RAP1GDS1: variants seen among roughly 807,000 people sequenced by gnomAD.
The protein encoded by RAP1GDS1 is Rap1 GTPase-GDP dissociation stimulator 1.
RAP1GDS1 carries 35 observed loss-of-function variants against 71.1 expected under a neutral mutation model. The ratio of observed to expected loss-of-function variants is 0.49; its 90% CI spans 0.38 to 0.65. The LOEUF (loss-of-function observed/expected upper bound fraction) is 0.65. Among genes scored for constraint, RAP1GDS1 ranks in the 30% least tolerant of loss-of-function variants. The probability of loss-of-function intolerance (pLI) is 0.00; values close to 1 mark genes in which losing one functional copy is unlikely to be tolerated. For synonymous variants in RAP1GDS1, 229 were observed against 243.1 expected, an observed-to-expected ratio of 0.94 and a Z score of 0.54; for missense variants, 663 against 706.1, an observed-to-expected ratio of 0.94 and a Z score of 0.69.
chr4:98,280,635 T>C (rs1391060957), intron 1 of RAP1GDS1, among the ~76,000 whole-genome samples: 1 of 152,224 alleles, frequency 6.6e-6, no homozygotes, highest in Non-Finnish European at 1.5e-5. Context: ...TTGTCAATTT[T>C]GGCTTTTGTT....
rs1743787096 is a variant in RAP1GDS1, at chr4:98,392,094, A to G, written c.637+14A>G. ...TAGCAGAACTTGGTAAGTCTTAGTC[A>G]TGAACCACAAATGTAATTAACTTAT... is the stretch of plus-strand genomic sequence containing the variant. On this transcript the variant is annotated intron_variant, in intron 6 of 14. Transcript: ENST00000408927. The G allele has an allele frequency of 1.2e-6, 2 of 1,601,794 alleles. No individual in the cohort carries two copies. The highest frequency in any genetic ancestry group is 1.7e-5 in the Admixed American group (1 of 58,650).
Position 98,305,174 on chromosome 4 carries a change from T to C in RAP1GDS1, c.112+11659T>C, listed in dbSNP as rs538403923. On this transcript the variant is annotated intron_variant, in intron 2 of 14. Coordinates refer to ENST00000408927, the MANE Select transcript of RAP1GDS1 (RefSeq NM_001100427.2). The stretch of plus-strand genomic sequence containing the variant: ...AGGCTCTTTTTTGATTCCATATGAA[T>C]TTTAAAGTAGTTTTTTTCTAATTCT... Among the ~76,000 whole-genome samples the C allele has an allele frequency of 9.2e-5, 14 of 152,208 alleles. No homozygotes were observed. The South Asian group carries it at 2.9e-3, about 32-fold the overall frequency.
rs1173253565 is a variant in RAP1GDS1, at chr4:98,443,810, G to A, written c.*1693G>A. ...ACAGGCTTTGAAAGACATCTGTAATGTTGCATATCTGTTCATATTAATAAC... is the reference window on the plus strand; with the variant it reads ...ACAGGCTTTGAAAGACATCTGTAATATTGCATATCTGTTCATATTAATAAC... On this transcript the variant is annotated 3_prime_UTR_variant, in exon 15 of 15. Coordinates refer to ENST00000408927, the MANE Select transcript of RAP1GDS1 (RefSeq NM_001100427.2). 1 of 181,912 alleles carries A rather than the reference G, an allele frequency of 5.5e-6. No homozygotes were observed. The highest frequency in any genetic ancestry group is 9.0e-5 in the East Asian group (1 of 11,134). The allele number at this position is 181,912 out of a possible 1,614,324, so 11.3% of individuals were successfully genotyped here. A position where few individuals can be genotyped will look rare whatever the true frequency, so the allele number is the denominator to read the frequency against.
At chr4:98,308,478 A>G (rs991783036) in intron 2 of RAP1GDS1, among the ~76,000 whole-genome samples, 5 of 150,874 alleles carry the variant, frequency 3.3e-5, no homozygotes, top group Non-Finnish European at 5.9e-5. Flanking sequence ...TCAGAAAGAA[A>G]GGAAAATAAA....
At chr4:98,429,835 A>C (rs934264941) in intron 12 of RAP1GDS1, among the ~76,000 whole-genome samples, 2 of 151,990 alleles carry the variant, frequency 1.3e-5, no homozygotes, top group Non-Finnish European at 2.9e-5. Context: ...CTCTCAGATA[A>C]ATTCCTGTTA....
intron 2 of RAP1GDS1, among the ~76,000 whole-genome samples, chr4:98,322,722 C>T (rs1229647208): frequency 4.4e-5 from 5 of 113,022 alleles, no homozygotes; most frequent in Non-Finnish European, 6.9e-5. Context: ...TTGAAACCAA[C>T]GAGAACAAAG....
intron 12 of RAP1GDS1, among the ~76,000 whole-genome samples, chr4:98,423,502 T>C (rs1039816235): frequency 1.3e-5 from 2 of 152,100 alleles, no homozygotes; most frequent in African/African-American, 4.8e-5. Context: ...AAGTTGCCAT[T>C]ATTTGAGGGT....
intron 12 of RAP1GDS1, among the ~76,000 whole-genome samples, chr4:98,424,086 C>A (rs1471929083): frequency 6.6e-6 from 1 of 152,084 alleles, no homozygotes; most frequent in African/African-American, 2.4e-5. Flanking sequence ...TTGACAGATT[C>A]AACAGTAGAA....
intron 12 of RAP1GDS1, among the ~76,000 whole-genome samples, chr4:98,427,293 C>T (rs752060863): frequency 2.0e-5 from 3 of 152,138 alleles, no homozygotes; most frequent in Non-Finnish European, 4.4e-5. Context: ...AGCATTCCCT[C>T]TGAGAACTGG....
intron 4 of RAP1GDS1, among the ~76,000 whole-genome samples, chr4:98,378,196 T>G (rs1281962648): frequency 6.6e-6 from 1 of 151,912 alleles, no homozygotes; most frequent in Non-Finnish European, 1.5e-5. Context: ...ACACGTATTC[T>G]TCTTTTAATT....
At chr4:98,357,996 A>C (rs555918512) in intron 4 of RAP1GDS1, among the ~76,000 whole-genome samples, 1 of 152,182 alleles carries the variant, frequency 6.6e-6, no homozygotes, top group African/African-American at 2.4e-5. Flanking sequence ...ATATAAAGAG[A>C]GGCAAAGATA....
At chr4:98,433,222 A>T (rs1166289803) in intron 12 of RAP1GDS1, among the ~76,000 whole-genome samples, 1 of 152,198 alleles carries the variant, frequency 6.6e-6, no homozygotes. Flanking sequence ...AAAAGTACTT[A>T]AAATTTTTTC....
intron 1 of RAP1GDS1, among the ~76,000 whole-genome samples, chr4:98,277,778 A>G (rs896836589): frequency 1.3e-5 from 2 of 152,182 alleles, no homozygotes; most frequent in African/African-American, 2.4e-5. Context: ...TCATGCTACT[A>G]CTCTTAACAA....
intron 2 of RAP1GDS1, among the ~76,000 whole-genome samples, chr4:98,338,610 C>A (rs900032341): frequency 6.6e-6 from 1 of 152,120 alleles, no homozygotes; most frequent in South Asian, 2.1e-4. Flanking sequence ...CACAATCTGC[C>A]GTAAGGATCC....
Position 98,442,033 on chromosome 4 carries a change from C to A in RAP1GDS1, c.1740C>A (p.Val580=). The change falls in exon 15 of 15, where the codon GTC becomes GTA. Residue 580 remains valine, a synonymous_variant. Transcript: ENST00000408927. Reference sequence around the variant, plus strand: ...TACAGGATTTGGCTTTTCTAGATGTCGTATCCAAACTTCGCAGTCATGAGA... The same window carrying A: ...TACAGGATTTGGCTTTTCTAGATGTAGTATCCAAACTTCGCAGTCATGAGA... ...KEVQDLAFLD[V]VSKLRSHENK... 1 of 1,613,934 alleles carries A rather than the reference C, an allele frequency of 6.2e-7. No individual in the cohort carries two copies.
chr4:98,439,678 C>T (rs1015929844), intron 14 of RAP1GDS1, among the ~76,000 whole-genome samples: 7 of 151,998 alleles, frequency 4.6e-5, no homozygotes, highest in Admixed American at 2.6e-4. Context: ...TGATTATTTC[C>T]CTTGTCCCCT....
At chr4:98,415,662 G>C (rs2110180184) in intron 7 of RAP1GDS1, among the ~76,000 whole-genome samples, 1 of 152,272 alleles carries the variant, frequency 6.6e-6, no homozygotes, top group African/African-American at 2.4e-5. Flanking sequence ...AAAAAGTGTT[G>C]ATGTGGGGGT....
At chr4:98,378,921 C>A in intron 4 of RAP1GDS1, 96 bp from the exon 5 acceptor site, 2 of 1,153,408 alleles carry the variant, frequency 1.7e-6, no homozygotes, top group South Asian at 1.7e-5. Context: ...TCTATTTATT[C>A]ACAAAATAAA....
chr4:98,437,038 A>C lies in RAP1GDS1; in HGVS notation c.1666A>C (p.Met556Leu). Reference sequence around the variant, plus strand: ...TGCTCCTGAAATCAAATATAATTCCATGGTCCTGATATGTGCTCTTATGGG... The same window carrying C: ...TGCTCCTGAAATCAAATATAATTCCCTGGTCCTGATATGTGCTCTTATGGG... The part of the protein sequence containing the change: ...RSAPEIKYNS[M>L]VLICALMGSE... Residue 556 changes from methionine to leucine, a missense_variant, in exon 14 of 15, where the codon ATG becomes CTG. Coordinates refer to ENST00000408927, the MANE Select transcript of RAP1GDS1 (RefSeq NM_001100427.2). 1 of 1,612,278 alleles carries C rather than the reference A, an allele frequency of 6.2e-7. No homozygotes were observed.
Sources: allele counts gnomAD v4.1 joint callset (sites outside exome capture counted in the v4.1 genomes callset), GRCh38; gene constraint gnomAD v4.1.1; transcripts MANE v1.5; gene names NCBI Gene and HGNC (gene_info 2026-07-23, HGNC 2026-07-21).